The following DCUN1D4 variants were observed in gnomAD, a reference collection of about 807,000 sequenced individuals.
DCUN1D4 encodes DCN1-like protein 4.
Under a neutral mutation model 47.9 loss-of-function variants are expected in DCUN1D4, and 22 were observed. The ratio of observed to expected loss-of-function variants is 0.46; its 90% CI spans 0.33 to 0.66. The LOEUF (loss-of-function observed/expected upper bound fraction) is 0.66, where lower values mean the gene tolerates loss of function less well. Ranked by LOEUF, DCUN1D4 falls within the 30% of genes least tolerant of loss-of-function variation. The probability of loss-of-function intolerance (pLI) is 0.02; values close to 1 mark genes in which losing one functional copy is unlikely to be tolerated. For synonymous variants in DCUN1D4, 121 were observed against 112.2 expected (o/e 1.08, Z -0.50); for missense variants, 301 against 340.8 (o/e 0.88, Z 0.92).
chr4:51,844,929 G>A lies in DCUN1D4; in HGVS notation c.25+1662G>A, dbSNP rs1454119336. 5.1e-6 allele frequency: 5 copies of A among 985,412 alleles called. No homozygotes were observed. In the Admixed American group the frequency reaches 3.1e-4, roughly 61 times the overall value. The allele number at this position is 985,412 out of a possible 1,614,324, so 61.0% of individuals were successfully genotyped here. On this transcript the variant is annotated intron_variant, in intron 1 of 10. Transcript: ENST00000334635. Reference sequence around the variant, plus strand: ...CCCGGCCAGCTCCTGCGCGCTCTCGGGAGGCGGTTGAGTTCCCAGGGACGG... The same window carrying A: ...CCCGGCCAGCTCCTGCGCGCTCTCGAGAGGCGGTTGAGTTCCCAGGGACGG...
In DCUN1D4 at chr4:51,911,194, T is replaced by C. The variant is rs372398341; in HGVS notation, c.720+20T>C. 81 of 1,589,598 alleles carry C rather than the reference T, an allele frequency of 5.1e-5. No individual in the cohort carries two copies. The highest frequency in any genetic ancestry group is 6.7e-5 in the Non-Finnish European group (78 of 1,162,532). On this transcript the variant is annotated intron_variant, in intron 9 of 10. Coordinates refer to ENST00000334635, the MANE Select transcript of DCUN1D4 (RefSeq NM_001040402.3). Reference sequence around the variant, plus strand: ...TTAGAGGTACCAAATTGTTGTTTTATGAAATGTATGTTTGCTTGCTTGGAA... The same window carrying C: ...TTAGAGGTACCAAATTGTTGTTTTACGAAATGTATGTTTGCTTGCTTGGAA...
At chr4:51,890,848 T>C (rs1423329268) in intron 6 of DCUN1D4, among the ~76,000 whole-genome samples, 4 of 152,234 alleles carry the variant, frequency 2.6e-5, no homozygotes, top group Non-Finnish European at 4.4e-5. Context: ...ATCAGTTCCC[T>C]GTGCTATCTT....
chr4:51,843,521 T>C (rs1275304164), intron 1 of DCUN1D4: 2 of 1,265,336 alleles, frequency 1.6e-6, no homozygotes, highest in Middle Eastern at 3.0e-4. Context: ...TGGCTCTCTT[T>C]CAGTGTTGGG....
chr4:51,871,998 GC>G (rs1475468929), intron 3 of DCUN1D4, among the ~76,000 whole-genome samples: 1 of 152,138 alleles, frequency 6.6e-6, no homozygotes, highest in Non-Finnish European at 1.5e-5. Flanking sequence ...TCTCTGAAGA[GC>G]TCTCTACTCC....
At chr4:51,881,685 A>G (rs1411513609) in intron 5 of DCUN1D4, among the ~76,000 whole-genome samples, 1 of 151,826 alleles carries the variant, frequency 6.6e-6, no homozygotes, top group Non-Finnish European at 1.5e-5. Context: ...AAACAAGAAA[A>G]AAAAAACCTC....
intron 1 of DCUN1D4, among the ~76,000 whole-genome samples, chr4:51,846,624 A>G (rs1442274231): frequency 6.6e-6 from 1 of 152,220 alleles, no homozygotes; most frequent in Non-Finnish European, 1.5e-5. Context: ...TTAGCAGTAT[A>G]AAAATCAACC....
At chr4:51,866,823 A>G (rs556361031) in intron 3 of DCUN1D4, among the ~76,000 whole-genome samples, 1 of 152,310 alleles carries the variant, frequency 6.6e-6, no homozygotes, top group Admixed American at 6.5e-5. Context: ...CAATACTGGG[A>G]GTACTTTTCA....
At chr4:51,890,490 A>G (rs1730249490) in intron 6 of DCUN1D4, among the ~76,000 whole-genome samples, 1 of 152,184 alleles carries the variant, frequency 6.6e-6, no homozygotes, top group South Asian at 2.1e-4. Flanking sequence ...CAGCACAGAG[A>G]GAGAGCCCAT....
rs1560495271 is a variant in DCUN1D4 at position 51,886,596 on chromosome 4, C to T, written c.372C>T (p.Gly124=). 3 of 1,613,944 alleles carry T rather than the reference C, an allele frequency of 1.9e-6. No individual in the cohort carries two copies. The highest frequency in any genetic ancestry group is 2.5e-6 in the Non-Finnish European group (3 of 1,179,926). The part of the protein sequence containing the change: ...AGTDDVVGPE[G]MEKFCEDIGV... ...CTGATGATGTTGTAGGCCCTGAAGGCATGGAGAAATTTTGTGAAGACATTG... is the reference window on the plus strand; with the variant it reads ...CTGATGATGTTGTAGGCCCTGAAGGTATGGAGAAATTTTGTGAAGACATTG... Residue 124 remains glycine, a synonymous_variant, in exon 6 of 11, where the codon GGC becomes GGT. Coordinates refer to ENST00000334635, the MANE Select transcript of DCUN1D4 (RefSeq NM_001040402.3).
intron 7 of DCUN1D4, among the ~76,000 whole-genome samples, chr4:51,892,258 C>T (rs1236955307): frequency 6.6e-6 from 1 of 152,168 alleles, no homozygotes; most frequent in Non-Finnish European, 1.5e-5. Flanking sequence ...AACATGTAAT[C>T]AATATTCTTA....
intron 5 of DCUN1D4, among the ~76,000 whole-genome samples, chr4:51,881,079 G>A (rs1373657154): frequency 6.6e-6 from 1 of 152,086 alleles, no homozygotes; most frequent in Admixed American, 6.5e-5. Flanking sequence ...AGTGAGCCAA[G>A]ATTGCGCCAC....
intron 1 of DCUN1D4, among the ~76,000 whole-genome samples, chr4:51,850,391 A>C (rs1324205423): frequency 6.6e-6 from 1 of 151,944 alleles, no homozygotes; most frequent in Non-Finnish European, 1.5e-5. Flanking sequence ...TTCTCCCTGG[A>C]TGTGATGATG....
chr4:51,908,839 T>G (rs1181586155), intron 8 of DCUN1D4: 1 of 453,684 alleles, frequency 2.2e-6, no homozygotes, highest in Non-Finnish European at 4.4e-6. Context: ...ACAAGTCCAC[T>G]CACAGGAAAT....
At chr4:51,843,361 C>G (rs1005813425) in intron 1 of DCUN1D4, 94 bp downstream of exon 1, 5 of 1,410,932 alleles carry the variant, frequency 3.5e-6, no homozygotes, top group Non-Finnish European at 4.7e-6. Context: ...CCTCGGGTCC[C>G]GAAACGCGCC....
chr4:51,863,570 A>G, intron 2 of DCUN1D4, 63 bp downstream of exon 2: 1 of 1,577,946 alleles, frequency 6.3e-7, no homozygotes, highest in Admixed American at 1.8e-5. Context: ...GTATAAGTGT[A>G]TTTGATAAAA....
intron 4 of DCUN1D4, among the ~76,000 whole-genome samples, chr4:51,875,978 TC>T (rs1183909913): frequency 1.3e-5 from 2 of 152,146 alleles, no homozygotes; most frequent in African/African-American, 4.8e-5. Flanking sequence ...CACTTTTGTT[TC>T]TAGGTGGTAT....
intron 9 of DCUN1D4, among the ~76,000 whole-genome samples, chr4:51,911,388 A>G (rs1733698232): frequency 6.6e-6 from 1 of 152,194 alleles, no homozygotes; most frequent in South Asian, 2.1e-4. Flanking sequence ...CACATTAAAA[A>G]TGCATCCGAA....
chr4:51,871,223 A>T (rs1045052558), intron 3 of DCUN1D4, among the ~76,000 whole-genome samples: 1 of 152,182 alleles, frequency 6.6e-6, no homozygotes, highest in Non-Finnish European at 1.5e-5. Flanking sequence ...CTCAGAGATG[A>T]GTAACTTTTC....
At chr4:51,904,186 C>A (rs1042388384) in intron 8 of DCUN1D4, among the ~76,000 whole-genome samples, 15 of 152,052 alleles carry the variant, frequency 9.9e-5, no homozygotes. Context: ...GAAGGGCTGT[C>A]CAAAGCAGTC....
Sources: gnomAD v4.1 joint callset for allele counts (sites outside exome capture counted in the v4.1 genomes callset) on GRCh38, gnomAD v4.1.1 for gene constraint, MANE v1.5 for transcripts, NCBI Gene and HGNC (gene_info 2026-07-23, HGNC 2026-07-21) for gene names.